Variants in SLC22A9 observed in about 807,000 individuals in gnomAD.
SLC22A9 encodes the protein solute carrier family 22 member 9.
A neutral mutation model predicts 50.1 loss-of-function variants in SLC22A9; 64 were observed. That is an observed-to-expected ratio of 1.28 (90% CI 1.04 to 1.57). The LOEUF (loss-of-function observed/expected upper bound fraction) is 1.57. Ranked by LOEUF, SLC22A9 falls within the 40% of genes most tolerant of loss-of-function variation. SLC22A9 has a pLI of 0.00. For missense variants in SLC22A9, 757 were observed against 676.1 expected, an observed-to-expected ratio of 1.12 and a Z score of -1.33; for synonymous variants, 261 against 242.5, an observed-to-expected ratio of 1.08 and a Z score of -0.71.
intron 6 of SLC22A9, 96 bp downstream of exon 6, chr11:63,382,373 T>G: frequency 1.2e-6 from 1 of 861,052 alleles, no homozygotes; most frequent in Non-Finnish European, 1.8e-6. Flanking sequence ...GAAACAGATT[T>G]GCACATAAAA....
At chr11:63,402,365 G>T (rs114377245) in intron 6 of SLC22A9, among the ~76,000 whole-genome samples, 1 of 152,140 alleles carries the variant, frequency 6.6e-6, no homozygotes, top group South Asian at 2.1e-4. Context: ...TATTGAATAG[G>T]GAGTCTTTCC....
chr11:63,384,077 G>C (rs1449431211), intron 6 of SLC22A9, among the ~76,000 whole-genome samples: 1 of 151,652 alleles, frequency 6.6e-6, no homozygotes, highest in Non-Finnish European at 1.5e-5. Flanking sequence ...GGAACAAAGT[G>C]AGAAATTCAA....
At chr11:63,372,183 G>A (rs1015173050) in intron 2 of SLC22A9, among the ~76,000 whole-genome samples, 2 of 152,090 alleles carry the variant, frequency 1.3e-5, no homozygotes, top group African/African-American at 4.8e-5. Context: ...AGCTAAAGAC[G>A]AAGGGACAAG....
chr11:63,404,573 T>A (rs547971903), intron 6 of SLC22A9, among the ~76,000 whole-genome samples: 1 of 152,230 alleles, frequency 6.6e-6, no homozygotes, highest in Admixed American at 6.5e-5. Context: ...CCCAACTAAA[T>A]TTGGATTTCA....
At chr11:63,385,771 CAA>C (rs762029153) in intron 6 of SLC22A9, among the ~76,000 whole-genome samples, 22 of 151,750 alleles carry the variant, frequency 1.4e-4, no homozygotes, top group Non-Finnish European at 2.1e-4. Context: ...TCTTCCGATT[CAA>C]ATACCCTTTA....
intron 1 of SLC22A9, among the ~76,000 whole-genome samples, chr11:63,370,743 G>A (rs2014340457): frequency 6.6e-6 from 1 of 152,180 alleles, no homozygotes; most frequent in Admixed American, 6.5e-5. Context: ...GGTCAGTGAT[G>A]CTCAGCCTGT....
chr11:63,384,487 C>T (rs909436407), intron 6 of SLC22A9, among the ~76,000 whole-genome samples: 3 of 152,052 alleles, frequency 2.0e-5, no homozygotes, highest in Non-Finnish European at 2.9e-5. Flanking sequence ...TTTTTTATGG[C>T]TGCATAGTAG....
chr11:63,376,550 T>A (rs1342279857), intron 5 of SLC22A9, among the ~76,000 whole-genome samples: 1 of 151,760 alleles, frequency 6.6e-6, no homozygotes. Context: ...AAGCTTTTGC[T>A]ATGACAGAGA....
At chr11:63,408,242 C>T (rs1565191257) in intron 8 of SLC22A9, 22 bp downstream of exon 8, 1 of 1,578,756 alleles carries the variant, frequency 6.3e-7, no homozygotes, top group East Asian at 2.2e-5. Flanking sequence ...TAAGTATGCC[C>T]TGTCAGGTTC....
intron 9 of SLC22A9, 55 bp downstream of exon 9, chr11:63,408,934 T>G (rs2015088192): frequency 1.3e-6 from 2 of 1,580,798 alleles, no homozygotes; most frequent in Non-Finnish European, 1.7e-6. Flanking sequence ...AGGTCTGTGC[T>G]GAGGAAGGCA....
At position 63,370,442 on chromosome 11, in the gene SLC22A9, C is replaced by A; in HGVS notation, c.386C>A (p.Ser129Tyr). 1.3e-6 allele frequency: 2 copies of A among 1,591,084 alleles called. No individual in the cohort carries two copies. The highest frequency in any genetic ancestry group is 1.2e-5 in the South Asian group (1 of 86,134). Residue 129 changes from serine (S) to tyrosine (Y), a missense_variant, in exon 1 of 10, where the codon TCC becomes TAC. Ser to Tyr is a moderately radical substitution (Grantham distance 144). Transcript: ENST00000279178. Reference protein sequence around the residue: ...GWVYDRISFSSTIVTEWDLVC... With the variant: ...GWVYDRISFSYTIVTEWDLVC... ...GTGTATGACAGAATCTCCTTCTCAT[C>A]CACCATCGTGACTGAGGTAAGAGGC...
intron 6 of SLC22A9, among the ~76,000 whole-genome samples, chr11:63,397,431 T>C (rs1306726095): frequency 6.6e-6 from 1 of 152,116 alleles, no homozygotes; most frequent in Non-Finnish European, 1.5e-5. Context: ...TCAGCAGTTG[T>C]CAAAGCTGGC....
In SLC22A9 at chr11:63,408,098, C is replaced by T; in HGVS notation, c.1289-14C>T. On this transcript the variant is annotated splice_polypyrimidine_tract_variant and intron_variant, in intron 7 of 9. Coordinates refer to ENST00000279178, the MANE Select transcript of SLC22A9 (RefSeq NM_080866.3). ...CTCAGATTTCCTGAGGCCTTGTGTTCTTCCTTTCTCCAGAAATGCAGACGC... is the reference window on the plus strand; with the variant it reads ...CTCAGATTTCCTGAGGCCTTGTGTTTTTCCTTTCTCCAGAAATGCAGACGC... The T allele has an allele frequency of 1.2e-6, 2 of 1,609,706 alleles. No individual in the cohort carries two copies. Among genetic ancestry groups the T allele is most frequent in the East Asian group, 2.2e-5 (1 of 44,808 alleles).
chr11:63,382,195 G>GA lies in SLC22A9; in HGVS notation c.991_992insA (p.Ala331AspfsTer10). The GA allele has an allele frequency of 6.2e-7, 1 of 1,604,102 alleles. No homozygotes were observed. On this transcript the variant is annotated frameshift_variant, in exon 6 of 10. Transcript: ENST00000279178. LOFTEE classifies it high-confidence loss of function. ...CACCATGAAAAAAGAACTGGAGGCA[G>GA]CACAAAAAAAAAAACCTTCTCTGTG...
At chr11:63,371,273 C>A in intron 2 of SLC22A9, 35 bp downstream of exon 2, 1 of 1,430,680 alleles carries the variant, frequency 7.0e-7, no homozygotes, top group South Asian at 1.2e-5. Context: ...TCTTTAAGGG[C>A]ATTTTTTATC....
At chr11:63,376,324 C>T (rs569589165) in intron 5 of SLC22A9, among the ~76,000 whole-genome samples, 1 of 152,182 alleles carries the variant, frequency 6.6e-6, no homozygotes, top group East Asian at 1.9e-4. Flanking sequence ...TACTTACTTA[C>T]TATAAGTTCC....
chr11:63,402,346 A>G (rs1483963188), intron 6 of SLC22A9, among the ~76,000 whole-genome samples: 3 of 152,138 alleles, frequency 2.0e-5, no homozygotes, highest in African/African-American at 7.2e-5. Flanking sequence ...CAGTTATCCA[A>G]GCACTATCTA....
In SLC22A9 at chr11:63,380,652, T is replaced by C. The variant is rs192677261; in HGVS notation, c.955-1507T>C. 5.3e-5 allele frequency among the ~76,000 whole-genome samples: 8 copies of C among 152,238 alleles called. No homozygotes were observed. The South Asian group carries it at 6.2e-4, about 12-fold the overall frequency. ...ACATTGGTCCAAATGGAGATTTGTATACATACACACAAACAAGAGAACAAT... is the reference window on the plus strand; with the variant it reads ...ACATTGGTCCAAATGGAGATTTGTACACATACACACAAACAAGAGAACAAT... On this transcript the variant is annotated intron_variant, in intron 5 of 9. Transcript: ENST00000279178.
chr11:63,380,638 A>C (rs966665433), intron 5 of SLC22A9, among the ~76,000 whole-genome samples: 1 of 152,162 alleles, frequency 6.6e-6, no homozygotes, highest in Admixed American at 6.6e-5. Flanking sequence ...CATTGGTCCA[A>C]ATGGAGATTT....
Sources: gnomAD v4.1 joint callset for allele counts (sites outside exome capture counted in the v4.1 genomes callset) on GRCh38, gnomAD v4.1.1 for gene constraint, MANE v1.5 for transcripts, NCBI Gene and HGNC (gene_info 2026-07-23, HGNC 2026-07-21) for gene names.